SLA: variants seen among roughly 807,000 people sequenced by gnomAD.
SLA encodes src-like-adapter.
SLA carries 16 observed loss-of-function variants against 30.3 expected under a neutral mutation model. The observed-to-expected ratio is 0.53, with a 90% confidence interval of 0.36 to 0.80. The LOEUF (loss-of-function observed/expected upper bound fraction) is 0.80. SLA is among the 30% of genes least tolerant of loss of function. The pLI is 0.01. For synonymous variants in SLA, 143 were observed against 137.8 expected (o/e 1.04, Z -0.26); for missense variants, 310 against 345.2 (o/e 0.90, Z 0.81).
At chr8:133,072,947 T>C (rs943901019) in intron 2 of SLA, 6 of 152,234 alleles carry the variant, frequency 3.9e-5, no homozygotes, top group Non-Finnish European at 7.3e-5. Flanking sequence ...TTTAACACTG[T>C]TTATTAATAG....
intron 2 of SLA, among the ~76,000 whole-genome samples, chr8:133,063,137 C>T (rs1259573054): frequency 2.0e-5 from 3 of 151,748 alleles, no homozygotes; most frequent in Non-Finnish European, 4.4e-5. Flanking sequence ...TGTCCCCAGA[C>T]ACAGCAAACT....
At chr8:133,052,685 GC>G (rs1474867521) in intron 3 of SLA, among the ~76,000 whole-genome samples, 2 of 152,212 alleles carry the variant, frequency 1.3e-5, no homozygotes, top group Non-Finnish European at 2.9e-5. Context: ...TTCACATTTG[GC>G]AGGGCATAAA....
rs559586068 is a variant in SLA, at chr8:133,059,685, A to G, written c.61+415T>C. ...TCCAGCTCTTGCGGGGCTAAGTATAAGGATGATATTATATTATGGGCTGCC... is the reference window on the plus strand; with the variant it reads ...TCCAGCTCTTGCGGGGCTAAGTATAGGGATGATATTATATTATGGGCTGCC... On this transcript the variant is annotated intron_variant, in intron 3 of 8. Transcript: ENST00000338087. Among the ~76,000 whole-genome samples the G allele has an allele frequency of 1.3e-3, 193 of 152,310 alleles. 1 individual carries two copies. Among genetic ancestry groups the G allele is most frequent in the Non-Finnish European group, 2.0e-3 (134 of 68,028 alleles).
intron 1 of SLA, among the ~76,000 whole-genome samples, chr8:133,101,413 T>C (rs1020991342): frequency 2.6e-5 from 4 of 152,184 alleles, no homozygotes; most frequent in Non-Finnish European, 5.9e-5. Flanking sequence ...CCAAGAAGGC[T>C]CCATGGCACC....
chr8:133,049,077 G>C, intron 5 of SLA: 1 of 441,436 alleles, frequency 2.3e-6, no homozygotes, highest in South Asian at 1.6e-5. Context: ...AGGAGGTGAA[G>C]CGACTTTTAC....
chr8:133,065,934 C>T (rs1262434030), intron 2 of SLA, among the ~76,000 whole-genome samples: 1 of 151,932 alleles, frequency 6.6e-6, no homozygotes, highest in Non-Finnish European at 1.5e-5. Context: ...GGGTTTCCAG[C>T]GGGGATGAGG....
intron 2 of SLA, chr8:133,063,871 G>C (rs1006341070): frequency 6.6e-6 from 1 of 152,270 alleles, no homozygotes; most frequent in Non-Finnish European, 1.5e-5. Flanking sequence ...CAGAGAATGA[G>C]AGCTGGAGTC....
intron 5 of SLA, chr8:133,048,596 G>A (rs1177916167): frequency 1.3e-5 from 2 of 156,334 alleles, no homozygotes; most frequent in South Asian, 1.9e-4. Context: ...TCATAATTAT[G>A]TCACTCCTCC....
chr8:133,063,941 A>G (rs1842738969), intron 2 of SLA, among the ~76,000 whole-genome samples: 1 of 152,242 alleles, frequency 6.6e-6, no homozygotes, highest in African/African-American at 2.4e-5. Flanking sequence ...GCAGTGGCTG[A>G]AGGTGGGAGA....
chr8:133,051,526 G>A (rs1315948054), intron 3 of SLA, among the ~76,000 whole-genome samples: 4 of 152,108 alleles, frequency 2.6e-5, no homozygotes, highest in African/African-American at 9.7e-5. Context: ...AAGGCCCCAC[G>A]CTGGGCATCT....
intron 1 of SLA, among the ~76,000 whole-genome samples, chr8:133,094,088 C>T (rs1037678336): frequency 3.9e-5 from 6 of 152,070 alleles, no homozygotes; most frequent in African/African-American, 1.2e-4. Flanking sequence ...ATAGCGGATG[C>T]ACCCTGGAAC....
rs770802124 is a variant in SLA at position 133,036,869 on chromosome 8, C to A, written c.*1655G>T. On this transcript the variant is annotated 3_prime_UTR_variant, in exon 9 of 9. Transcript: ENST00000338087. ...ACATTCGTCACAACGGAAAACAACA[C>A]ATAAGATACTGTGCAGACATCTGGA... 1.3e-5 allele frequency: 2 copies of A among 152,632 alleles called. No individual in the cohort carries two copies. The highest frequency in any genetic ancestry group is 2.9e-5 in the Non-Finnish European group (2 of 68,050). 9.5% of individuals were successfully genotyped at this position (152,632 alleles called of 1,614,324 possible). A position where few individuals can be genotyped will look rare whatever the true frequency, so the allele number is the denominator to read the frequency against.
intron 6 of SLA, among the ~76,000 whole-genome samples, chr8:133,045,838 G>A (rs773221678): frequency 6.6e-6 from 1 of 152,060 alleles, no homozygotes; most frequent in African/African-American, 2.4e-5. Context: ...TCTCCAAGAT[G>A]TGATCCCTAC....
intron 1 of SLA, among the ~76,000 whole-genome samples, chr8:133,081,320 G>A (rs144808707): frequency 6.6e-6 from 1 of 152,244 alleles, no homozygotes; most frequent in African/African-American, 2.4e-5. Context: ...TGAAGGTTGT[G>A]CCTTTTGAAT....
intron 1 of SLA, among the ~76,000 whole-genome samples, chr8:133,077,735 ATGTGTGTG>A (rs34749093): frequency 1.1e-3 from 170 of 148,172 alleles, no homozygotes; most frequent in African/African-American, 1.4e-3. Context: ...TCTGGTGTGT[ATGTGTGTG>A]TGTGTGTGTG....
At chr8:133,080,838 G>A (rs1039911476) in intron 1 of SLA, among the ~76,000 whole-genome samples, 3 of 152,190 alleles carry the variant, frequency 2.0e-5, no homozygotes, top group Non-Finnish European at 2.9e-5. Context: ...GCATGGGGCA[G>A]GTCCCTTCAG....
In SLA at chr8:133,050,425, A is replaced by G. The variant is rs190941526; in HGVS notation, c.161+391T>C. 683 of 250,958 alleles carry G rather than the reference A, an allele frequency of 2.7e-3. 4 individuals are homozygous for G. The highest frequency in any genetic ancestry group is 4.3e-3 in the Non-Finnish European group (559 of 128,674). The allele number at this position is 250,958 out of a possible 1,614,324, so 15.5% of individuals were successfully genotyped here. ...CATATTGAATCAGACTGCAGAGGTA[A>G]GAGGAGAGAAGGCAAATTTTTGTTT... On this transcript the variant is annotated intron_variant, in intron 4 of 8. Transcript: ENST00000338087.
At chr8:133,091,529 G>A (rs527545601) in intron 1 of SLA, among the ~76,000 whole-genome samples, 2 of 152,266 alleles carry the variant, frequency 1.3e-5, no homozygotes, top group African/African-American at 2.4e-5. Context: ...TTCCTCCCGG[G>A]AAATGCTGCA....
chr8:133,055,942 G>T (rs754104710), intron 3 of SLA, among the ~76,000 whole-genome samples: 1 of 152,130 alleles, frequency 6.6e-6, no homozygotes, highest in Middle Eastern at 3.4e-3. Flanking sequence ...AAGTCCTCAC[G>T]CCTCCCTGTG....
Sources: allele counts gnomAD v4.1 joint callset (sites outside exome capture counted in the v4.1 genomes callset), GRCh38; gene constraint gnomAD v4.1.1; transcripts MANE v1.5; gene names NCBI Gene and HGNC (gene_info 2026-07-23, HGNC 2026-07-21).